Variants in OTUD7A observed in about 807,000 individuals in gnomAD.
The protein encoded by OTUD7A is OTU deubiquitinase 7A, also known as OTU domain-containing protein 7A.
Under a neutral mutation model 65.7 loss-of-function variants are expected in OTUD7A, and 12 were observed. The ratio of observed to expected loss-of-function variants is 0.18; its 90% CI spans 0.12 to 0.30. OTUD7A has a LOEUF of 0.30. OTUD7A is among the 10% of genes least tolerant of loss of function. The pLI is 1.00. For synonymous variants in OTUD7A, 641 were observed against 586.3 expected, an observed-to-expected ratio of 1.09 and a Z score of -1.35; for missense variants, 1,148 against 1,304.8, an observed-to-expected ratio of 0.88 and a Z score of 1.85.
chr15:31,840,509 G>C (rs894432473), intron 1 of OTUD7A, among the ~76,000 whole-genome samples: 1 of 152,130 alleles, frequency 6.6e-6, no homozygotes, highest in African/African-American at 2.4e-5. Flanking sequence ...AATGATAGTA[G>C]TCTATTCTAT....
chr15:31,671,795 G>A (rs1449315533), intron 1 of OTUD7A, among the ~76,000 whole-genome samples: 2 of 151,998 alleles, frequency 1.3e-5, no homozygotes, highest in African/African-American at 4.8e-5. Context: ...AGGCTCGGGG[G>A]ACATGCACAG....
In OTUD7A at chr15:31,764,689, T is replaced by C. The variant is rs113944182; in HGVS notation, c.-100+105818A>G. Among the ~76,000 whole-genome samples the C allele has an allele frequency of 9.7e-4, 148 of 152,290 alleles. 1 individual carries two copies. The highest frequency in any genetic ancestry group is 6.8e-3 in the Middle Eastern group (2 of 294). ...ATTGATTCTCACAGTTGGATGAATA[T>C]TGGAATCACCTAGATTAAAAAAAAA... On this transcript the variant is annotated intron_variant, in intron 1 of 12. Transcript: ENST00000307050.
chr15:31,766,881 A>T, intron 1 of OTUD7A: 1 of 1,610,522 alleles, frequency 6.2e-7, no homozygotes, highest in Non-Finnish European at 8.5e-7. Context: ...ATGCCTCTTT[A>T]CTTGAATTCC....
chr15:31,491,426 G>GT (rs530593391), intron 10 of OTUD7A, among the ~76,000 whole-genome samples: 86 of 152,208 alleles, frequency 5.7e-4, no homozygotes, highest in Non-Finnish European at 1.2e-3. Flanking sequence ...AATCTGATCT[G>GT]TAAACCTCAA....
At chr15:31,809,469 A>G (rs1595784722) in intron 1 of OTUD7A, among the ~76,000 whole-genome samples, 1 of 152,212 alleles carries the variant, frequency 6.6e-6, no homozygotes, top group East Asian at 1.9e-4. Flanking sequence ...CCTCTATTGC[A>G]GTTAGTGCTA....
At chr15:31,737,562 T>C (rs1329255220) in intron 1 of OTUD7A, among the ~76,000 whole-genome samples, 1 of 152,208 alleles carries the variant, frequency 6.6e-6, no homozygotes, top group East Asian at 1.9e-4. Context: ...TGGAAAGTAA[T>C]CTGGAAACGG....
chr15:31,668,037 T>G (rs1391014801), intron 1 of OTUD7A, among the ~76,000 whole-genome samples: 1 of 152,230 alleles, frequency 6.6e-6, no homozygotes, highest in African/African-American at 2.4e-5. Context: ...GGTTTTCCTT[T>G]ATAGGTTACC....
chr15:31,774,636 G>A (rs1895324074), intron 1 of OTUD7A, among the ~76,000 whole-genome samples: 1 of 152,170 alleles, frequency 6.6e-6, no homozygotes, highest in South Asian at 2.1e-4. Context: ...GATACTTACT[G>A]CTAGTTGCTG....
intron 2 of OTUD7A, among the ~76,000 whole-genome samples, chr15:31,656,554 C>A (rs1173504503): frequency 6.6e-6 from 1 of 152,162 alleles, no homozygotes; most frequent in African/African-American, 2.4e-5. Flanking sequence ...CCATTACAGG[C>A]AATGGAAAAT....
At chr15:31,604,653 T>C (rs571540060) in intron 3 of OTUD7A, among the ~76,000 whole-genome samples, 1 of 152,126 alleles carries the variant, frequency 6.6e-6, no homozygotes, top group East Asian at 1.9e-4. Context: ...TACTTGCAAA[T>C]AGCTGCTAGA....
chr15:31,483,361 T>C lies in OTUD7A; in HGVS notation c.2735A>G (p.His912Arg). The part of the protein sequence containing the change: ...CAFYGRAETE[H>R]YCSYCYREEL... ...CTCGCGGTAGCAGTAGGAGCAGTAG[T>C]GCTCGGTCTCGGCGCGCCCGTAGAA... Residue 912 changes from histidine to arginine, a missense_variant, in exon 13 of 13, where the codon CAC becomes CGC. His to Arg is a conservative substitution (Grantham distance 29). This residue lies in a region of OTUD7A where 842 missense variants were observed against 769.5 expected (regional missense o/e 1.09). Transcript: ENST00000307050. The C allele has an allele frequency of 7.7e-7, 1 of 1,290,966 alleles. No homozygotes were observed. The highest frequency in any genetic ancestry group is 9.8e-7 in the Non-Finnish European group (1 of 1,015,560). The allele number at this position is 1,290,966 out of a possible 1,614,324, so 80.0% of individuals were successfully genotyped here.
At chr15:31,619,035 C>T (rs986396472) in intron 3 of OTUD7A, among the ~76,000 whole-genome samples, 2 of 152,158 alleles carry the variant, frequency 1.3e-5, no homozygotes, top group Non-Finnish European at 2.9e-5. Context: ...ATAGGGAATC[C>T]TTTCCCCATT....
intron 10 of OTUD7A, among the ~76,000 whole-genome samples, chr15:31,497,047 T>G (rs1257950211): frequency 6.6e-6 from 1 of 152,118 alleles, no homozygotes; most frequent in Non-Finnish European, 1.5e-5. Context: ...CACACCAGCA[T>G]CTCCCCCTCC....
At chr15:31,662,533 T>C (rs1892195562) in intron 1 of OTUD7A, among the ~76,000 whole-genome samples, 2 of 152,220 alleles carry the variant, frequency 1.3e-5, no homozygotes, top group African/African-American at 2.4e-5. Flanking sequence ...TAGAGTCTTT[T>C]CTACATATCT....
chr15:31,630,728 C>G (rs1275294942), intron 3 of OTUD7A, among the ~76,000 whole-genome samples: 1 of 152,086 alleles, frequency 6.6e-6, no homozygotes, highest in East Asian at 1.9e-4. Flanking sequence ...GTCTAAGTCT[C>G]TTTGTAGGTC....
intron 1 of OTUD7A, among the ~76,000 whole-genome samples, chr15:31,663,716 T>C (rs1892238262): frequency 6.6e-6 from 1 of 152,140 alleles, no homozygotes; most frequent in African/African-American, 2.4e-5. Context: ...CAGGTGGTGT[T>C]TGGTTACATG....
chr15:31,814,964 G>A (rs1896510549), intron 1 of OTUD7A, among the ~76,000 whole-genome samples: 1 of 152,146 alleles, frequency 6.6e-6, no homozygotes, highest in Non-Finnish European at 1.5e-5. Context: ...TGGCTGGAAT[G>A]AACTCCTAGG....
rs373894195 is a variant in OTUD7A, at chr15:31,844,941, C to T, written c.-100+25566G>A. Among the ~76,000 whole-genome samples, 3 of 152,252 alleles carry T rather than the reference C, an allele frequency of 2.0e-5. No homozygotes were observed. The South Asian group carries it at 6.2e-4, about 32-fold the overall frequency. On this transcript the variant is annotated intron_variant, in intron 1 of 12. Coordinates refer to ENST00000307050, the MANE Select transcript of OTUD7A (RefSeq NM_001382637.1). ...CATCTGTGAGCTGGAGACATGGCTA[C>T]CACTGGCAGAGCTCCCATAAGAATT...
In OTUD7A at chr15:31,481,486, G is replaced by C. The variant is rs1486654702; in HGVS notation, c.*1808C>G. ...AATAAAAGAAACCCCAGTAATATTA[G>C]GGACATGGATGTTAGTACAGTAATT... On this transcript the variant is annotated 3_prime_UTR_variant, in exon 13 of 13. Coordinates refer to ENST00000307050, the MANE Select transcript of OTUD7A (RefSeq NM_001382637.1). 1.3e-5 allele frequency: 2 copies of C among 152,128 alleles called. No homozygotes were observed. Among genetic ancestry groups the C allele is most frequent in the Non-Finnish European group, 1.5e-5 (1 of 68,028 alleles). The allele number at this position is 152,128 out of a possible 1,614,324, so 9.4% of individuals were successfully genotyped here.
Sources: gnomAD v4.1 joint callset for allele counts (sites outside exome capture counted in the v4.1 genomes callset) on GRCh38, gnomAD v4.1.1 for gene constraint, gnomAD v4.1.1 regional missense constraint, MANE v1.5 for transcripts, NCBI Gene and HGNC (gene_info 2026-07-23, HGNC 2026-07-21) for gene names.